The following NEBL variants were observed in gnomAD, a reference collection of about 807,000 sequenced individuals.
NEBL encodes the protein LIM and SH3 protein 2.
In NEBL, 122 loss-of-function variants were observed where a neutral mutation model predicts 140.2. The ratio of observed to expected loss-of-function variants is 0.87; its 90% CI spans 0.75 to 1.01. The LOEUF (loss-of-function observed/expected upper bound fraction) is 1.01, where lower values mean the gene tolerates loss of function less well. NEBL is among the 50% of genes least tolerant of loss of function. NEBL has a pLI of 0.00. For missense variants in NEBL, 1,365 were observed against 1,231.3 expected (o/e 1.11, Z -1.62); for synonymous variants, 436 against 398.9 (o/e 1.09, Z -1.11).
intron 1 of NEBL, among the ~76,000 whole-genome samples, chr10:21,259,993 G>A (rs958729387): frequency 6.6e-6 from 1 of 152,176 alleles, no homozygotes; most frequent in African/African-American, 2.4e-5. Context: ...GAGGCAGCAC[G>A]GAAGAGAAAA....
At chr10:21,178,898 A>G (rs1841344050), upstream of NEBL, among the ~76,000 whole-genome samples, 1 of 152,244 alleles carries the variant, frequency 6.6e-6, no homozygotes, top group Non-Finnish European at 1.5e-5. Context: ...CTTGGGATAA[A>G]GGACAAGACA....
rs187233481 is a variant in NEBL at position 21,280,718 on chromosome 10, G to A, written n.182+12112C>T. The stretch of plus-strand genomic sequence containing the variant: ...TAACCTCCACCTCCCAGGTTCAAGC[G>A]ATTCTCCTGCCTCAGCCTCCCGAGT... On this transcript the variant is annotated intron_variant and non_coding_transcript_variant, in intron 1 of 8. Transcript: ENST00000675702. 1.1e-4 allele frequency among the ~76,000 whole-genome samples: 16 copies of A among 140,886 alleles called. No homozygotes were observed. The East Asian group carries it at 2.8e-3, about 24-fold the overall frequency. 92.4% of individuals were successfully genotyped at this position (140,886 alleles called of 152,430 possible).
chr10:21,213,976 G>A (rs1841953129), intron 3 of NEBL, among the ~76,000 whole-genome samples: 2 of 152,074 alleles, frequency 1.3e-5, no homozygotes, highest in Non-Finnish European at 2.9e-5. Context: ...GCTGGTAAAG[G>A]GAGTTGTCAC....
chr10:20,834,710 C>T (rs528843501), intron 14 of NEBL, among the ~76,000 whole-genome samples: 18 of 152,282 alleles, frequency 1.2e-4, no homozygotes, highest in Non-Finnish European at 2.6e-4. Flanking sequence ...TCACCTGCAC[C>T]CCGATTTTTT....
chr10:20,929,537 A>G (rs978239499), intron 4 of NEBL, among the ~76,000 whole-genome samples: 9 of 152,350 alleles, frequency 5.9e-5, no homozygotes, highest in Non-Finnish European at 1.2e-4. Flanking sequence ...CCTTGCATCT[A>G]TGTATACATA....
At chr10:21,089,673 T>C (rs1836816428) in intron 2 of NEBL, among the ~76,000 whole-genome samples, 1 of 152,054 alleles carries the variant, frequency 6.6e-6, no homozygotes, top group South Asian at 2.1e-4. Flanking sequence ...CAATGATTGA[T>C]AGGTGAATGG....
chr10:20,904,713 C>T (rs1244191171), intron 4 of NEBL, among the ~76,000 whole-genome samples: 2 of 152,164 alleles, frequency 1.3e-5, no homozygotes, highest in Non-Finnish European at 2.9e-5. Flanking sequence ...TCACCACAGC[C>T]GCAAGTTCTT....
At chr10:21,028,190 G>A (rs1376603669) in intron 2 of NEBL, among the ~76,000 whole-genome samples, 4 of 127,430 alleles carry the variant, frequency 3.1e-5, no homozygotes, top group African/African-American at 1.2e-4. Context: ...TTGTGCCACT[G>A]CACTCCAGCC....
intron 2 of NEBL, among the ~76,000 whole-genome samples, chr10:21,106,037 G>GT (rs896934453): frequency 5.9e-5 from 9 of 151,392 alleles, no homozygotes; most frequent in Non-Finnish European, 7.4e-5. Context: ...GGGGTTGTTT[G>GT]TTTTTTTTCT....
At chr10:21,123,331 A>G (rs1168631952) in intron 2 of NEBL, among the ~76,000 whole-genome samples, 1 of 152,206 alleles carries the variant, frequency 6.6e-6, no homozygotes, top group East Asian at 1.9e-4. Context: ...TTTTCTTTCA[A>G]TTTTGGCAAA....
intron 1 of NEBL, among the ~76,000 whole-genome samples, chr10:21,255,833 TA>T (rs1365173206): frequency 1.3e-5 from 2 of 151,578 alleles, no homozygotes; most frequent in Non-Finnish European, 2.9e-5. Context: ...CCATCTCTAC[TA>T]AAAATACAAA....
intron 3 of NEBL, among the ~76,000 whole-genome samples, chr10:21,211,867 G>T (rs1279163153): frequency 6.6e-6 from 1 of 152,150 alleles, no homozygotes; most frequent in Non-Finnish European, 1.5e-5. Flanking sequence ...AATTGGAGAA[G>T]CACAGAATTT....
chr10:21,270,036 G>C (rs939226615), intron 1 of NEBL, among the ~76,000 whole-genome samples: 1 of 152,158 alleles, frequency 6.6e-6, no homozygotes, highest in East Asian at 1.9e-4. Flanking sequence ...AATTATTTAT[G>C]TCTGAAACAG....
chr10:20,832,442 C>T (rs1333505676), intron 14 of NEBL, among the ~76,000 whole-genome samples: 1 of 151,482 alleles, frequency 6.6e-6, no homozygotes, highest in Admixed American at 6.6e-5. Flanking sequence ...TTTTTTAAGC[C>T]AGTGGGAAAT....
chr10:21,013,739 G>A (rs1267295568), intron 3 of NEBL, among the ~76,000 whole-genome samples: 13 of 152,118 alleles, frequency 8.5e-5, no homozygotes, highest in African/African-American at 2.2e-4. Flanking sequence ...TTAGCTAGGC[G>A]TAGTGGTGCG....
chr10:20,904,297 A>G (rs1847999731), intron 4 of NEBL, among the ~76,000 whole-genome samples: 1 of 152,108 alleles, frequency 6.6e-6, no homozygotes, highest in African/African-American at 2.4e-5. Flanking sequence ...AGCATTCCTT[A>G]CTATGCATTT....
intron 7 of NEBL, among the ~76,000 whole-genome samples, chr10:20,867,292 C>T (rs529610070): frequency 1.6e-4 from 24 of 152,202 alleles, no homozygotes; most frequent in Admixed American, 9.2e-4. Context: ...CTTTCACCAA[C>T]AGAATAGTAC....
At chr10:20,950,309 G>C (rs1835396347) in intron 4 of NEBL, among the ~76,000 whole-genome samples, 1 of 152,124 alleles carries the variant, frequency 6.6e-6, no homozygotes, top group Non-Finnish European at 1.5e-5. Flanking sequence ...TGTTTGTTTT[G>C]GATTTATAGA....
chr10:20,911,278 G>T (rs1156546417), intron 4 of NEBL, among the ~76,000 whole-genome samples: 1 of 152,086 alleles, frequency 6.6e-6, no homozygotes, highest in Non-Finnish European at 1.5e-5. Context: ...ATTCTATCAG[G>T]ATCCCCAAAC....
Sources: allele counts gnomAD v4.1 joint callset (sites outside exome capture counted in the v4.1 genomes callset), GRCh38; gene constraint gnomAD v4.1.1; transcripts MANE v1.5; gene names NCBI Gene and HGNC (gene_info 2026-07-23, HGNC 2026-07-21).